CC2D1B: variants seen among roughly 807,000 people sequenced by gnomAD.
The protein encoded by CC2D1B is coiled-coil and C2 domain containing 1B.
CC2D1B carries 92 observed loss-of-function variants against 110.8 expected under a neutral mutation model. The ratio of observed to expected loss-of-function variants is 0.83; its 90% CI spans 0.70 to 0.99. The LOEUF is 0.99. Ranked by LOEUF, CC2D1B falls within the 50% of genes least tolerant of loss-of-function variation. CC2D1B has a pLI of 0.00. For missense variants in CC2D1B, 1,136 were observed against 1,089.0 expected (o/e 1.04, Z -0.61); for synonymous variants, 406 against 429.2 (o/e 0.95, Z 0.67).
In CC2D1B at chr1:52,357,114, A is replaced by T. The variant is rs746404887; in HGVS notation, c.1765T>A (p.Leu589Met). 3 of 1,613,952 alleles carry T rather than the reference A, an allele frequency of 1.9e-6. No individual in the cohort carries two copies. In the Admixed American group the frequency reaches 5.0e-5, roughly 27 times the overall value. ...PVDLSKVPSP[L>M]TDEEGDFILI... is the part of the protein sequence containing the mutation. Reference sequence around the variant, plus strand: ...ATGAAGTCACCCTCCTCATCCGTCAAGGGCGAAGGCACCTACCCAGGTCAC... The same window carrying T: ...ATGAAGTCACCCTCCTCATCCGTCATGGGCGAAGGCACCTACCCAGGTCAC... The change falls in exon 16 of 25, where the codon TTG (leucine) becomes ATG (methionine). Residue 589 changes from leucine to methionine, a missense_variant. Coordinates refer to ENST00000284376, the MANE Select transcript of CC2D1B (RefSeq NM_001330585.2).
chr1:52,357,040 C>T lies in CC2D1B; in HGVS notation c.1839G>A (p.Val613=), dbSNP rs200724768. ...DLRLSQKAEE[V]YAQLQKMLLE... is the part of the protein sequence containing the mutation. ...GAAGCATTTTTTGCAGCTGGGCATA[C>T]ACCTCCTCCGCCTTCTGGGAGAGTC... The change falls in exon 16 of 25, where the codon GTG becomes GTA. Residue 613 remains valine (V), a synonymous_variant. Transcript: ENST00000284376. 9.9e-5 allele frequency: 158 copies of T among 1,588,092 alleles called. No homozygotes were observed. The East Asian group carries it at 3.5e-3, about 36-fold the overall frequency.
chr1:52,354,531 C>T, intron 23 of CC2D1B, 77 bp downstream of exon 23: 4 of 1,198,092 alleles, frequency 3.3e-6, no homozygotes, highest in Non-Finnish European at 5.0e-6. Context: ...CGAAAACCTA[C>T]AACAAGGTGT....
chr1:52,361,704 G>T (rs2147896133), intron 3 of CC2D1B, 88 bp from the exon 4 acceptor site: 11 of 1,513,538 alleles, frequency 7.3e-6, no homozygotes, highest in South Asian at 5.7e-5. Flanking sequence ...CACCCAGGCA[G>T]AAATCCCTCT....
Position 52,360,134 on chromosome 1 carries a change from G to C in CC2D1B, c.703C>G (p.Gln235Glu). Residue 235 changes from glutamine to glutamate, a missense_variant, in exon 7 of 25, where the codon CAG (glutamine) becomes GAG (glutamate). Transcript: ENST00000284376. ...VALGKRPLAPQEPANRSPETD... is the reference protein window; with the variant it reads ...VALGKRPLAPEEPANRSPETD... ...TCAGGGCTCCTGTTGGCTGGTTCCT[G>C]GGGGGCCAGGGGCCGCTTTCCTAAG... 6.2e-7 allele frequency: 1 copy of C among 1,609,486 alleles called. No homozygotes were observed. Among genetic ancestry groups the C allele is most frequent in the African/African-American group, 1.3e-5 (1 of 74,896 alleles).
rs1646558997 is a variant in CC2D1B, at chr1:52,353,056, A to G, written c.*169T>C. On this transcript the variant is annotated 3_prime_UTR_variant, in exon 25 of 25. Transcript: ENST00000284376. ...GTTTCTGTAGAGCCCCAGAGGGGCC[A>G]ACAACAGGAAAGACCAGAGTCGTGG... The G allele has an allele frequency of 8.1e-6, 5 of 619,216 alleles. No individual in the cohort carries two copies. Among genetic ancestry groups the G allele is most frequent in the Non-Finnish European group, 1.3e-5 (5 of 384,050 alleles). 38.4% of individuals were successfully genotyped at this position (619,216 alleles called of 1,614,324 possible). A position where few individuals can be genotyped will look rare whatever the true frequency, so the allele number is the denominator to read the frequency against.
intron 1 of CC2D1B, among the ~76,000 whole-genome samples, chr1:52,365,010 CA>C (rs1259964917): frequency 6.6e-6 from 1 of 152,154 alleles, no homozygotes; most frequent in Non-Finnish European, 1.5e-5. Context: ...GCTAAAAATC[CA>C]GTCCATCAGC....
chr1:52,354,451 C>G (rs1646598443), intron 23 of CC2D1B, 157 bp downstream of exon 23: 1 of 751,496 alleles, frequency 1.3e-6, no homozygotes, highest in South Asian at 1.4e-5. Flanking sequence ...CTGAACCTCT[C>G]CATCTGTGAA....
chr1:52,357,459 GC>G (rs1219987136), intron 15 of CC2D1B, 66 bp downstream of exon 15: 2 of 1,484,076 alleles, frequency 1.3e-6, no homozygotes, highest in Admixed American at 2.0e-5. Context: ...CTTGTTCACA[GC>G]CTGTCAAGCC....
intron 21 of CC2D1B, 78 bp from the exon 22 acceptor site, chr1:52,355,017 G>T: frequency 8.3e-7 from 1 of 1,201,508 alleles, no homozygotes; most frequent in African/African-American, 1.5e-5. Context: ...GCCCAGGGCT[G>T]GCTGCCTTCC....
intron 21 of CC2D1B, 81 bp downstream of exon 21, chr1:52,355,317 T>C (rs1167033603): frequency 2.8e-6 from 4 of 1,449,428 alleles, no homozygotes; most frequent in Admixed American, 1.8e-5. Flanking sequence ...AGTAAGGGCA[T>C]AGATGGGAAC....
intron 23 of CC2D1B, 119 bp from the exon 24 acceptor site, chr1:52,353,766 G>A (rs1354180191): frequency 1.4e-6 from 1 of 697,972 alleles, no homozygotes; most frequent in Non-Finnish European, 2.4e-6. Context: ...CATGAACACA[G>A]GAATCTCCAT....
At chr1:52,360,896 T>C (rs1569861838) in intron 5 of CC2D1B, 78 bp downstream of exon 5, 2 of 1,541,024 alleles carry the variant, frequency 1.3e-6, no homozygotes, top group South Asian at 1.1e-5. Flanking sequence ...AGCCTTGCTG[T>C]GCAGGCCAGG....
chr1:52,356,244 C>T lies in CC2D1B; in HGVS notation c.1996G>A (p.Ala666Thr). ...KQLEILQLAQ[A>T]QGLDPPTHHF... ...TGGGTGGGAGGGTCGAGGCCCTGAG[C>T]CTGGGCCAGCTGCAGGATCTCCAGC... Residue 666 changes from alanine to threonine, a missense_variant, in exon 18 of 25, where the codon GCT (alanine) becomes ACT (threonine). Ala to Thr is a moderately conservative substitution (Grantham distance 58, BLOSUM62 0). Coordinates refer to ENST00000284376, the MANE Select transcript of CC2D1B (RefSeq NM_001330585.2). 6.2e-7 allele frequency: 1 copy of T among 1,614,202 alleles called. No individual in the cohort carries two copies. Among genetic ancestry groups the T allele is most frequent in the Non-Finnish European group, 8.5e-7 (1 of 1,180,032 alleles).
In CC2D1B at chr1:52,355,628, C is replaced by T; in HGVS notation, c.2167G>A (p.Glu723Lys). 1 of 1,614,188 alleles carries T rather than the reference C, an allele frequency of 6.2e-7. No individual in the cohort carries two copies. Among genetic ancestry groups the T allele is most frequent in the South Asian group, 1.1e-5 (1 of 91,080 alleles). Residue 723 changes from glutamate (E) to lysine (K), a missense_variant, in exon 20 of 25, where the codon GAG (glutamate) becomes AAG (lysine). Transcript: ENST00000284376. ...PDDLDAFVRF[E>K]FHYPNSDQAQ... ...CTCACCGAGTTAGGGTAGTGAAACT[C>T]AAACCGCACAAAAGCATCCAGGTCA...
chr1:52,364,703 G>C, intron 1 of CC2D1B, 69 bp from the exon 2 acceptor site: 1 of 1,011,580 alleles, frequency 9.9e-7, no homozygotes, highest in Non-Finnish European at 1.5e-6. Context: ...TGCTACCCGT[G>C]GTAAGGTGTG....
In CC2D1B at chr1:52,355,633, C is replaced by T. The variant is rs1184158913; in HGVS notation, c.2162G>A (p.Arg721Gln). The change falls in exon 20 of 25, where the codon CGG becomes CAG. Residue 721 changes from arginine (R) to glutamine (Q), a missense_variant. Arg to Gln is a conservative substitution (Grantham distance 43, BLOSUM62 1). Transcript: ENST00000284376. ...CGAGTTAGGGTAGTGAAACTCAAAC[C>T]GCACAAAAGCATCCAGGTCATCGGG... Reference protein sequence around the residue: ...VTPDDLDAFVRFEFHYPNSDQ... With the variant: ...VTPDDLDAFVQFEFHYPNSDQ... 7.4e-6 allele frequency: 12 copies of T among 1,614,030 alleles called. No individual in the cohort carries two copies. The highest frequency in any genetic ancestry group is 2.7e-5 in the African/African-American group (2 of 74,908).
In CC2D1B at chr1:52,360,495, G is replaced by C. The variant is rs750072896; in HGVS notation, c.532C>G (p.Arg178Gly). 1 of 1,614,062 alleles carries C rather than the reference G, an allele frequency of 6.2e-7. No individual in the cohort carries two copies. Among genetic ancestry groups the C allele is most frequent in the Non-Finnish European group, 8.5e-7 (1 of 1,180,036 alleles). The change falls in exon 6 of 25, where the codon CGA becomes GGA. Residue 178 changes from arginine (R) to glycine (G), a missense_variant. By Grantham distance (125) the Arg-to-Gly change is moderately radical (BLOSUM62 -2). Transcript: ENST00000284376. ...ALLEERIHNYREAAASAKEAG... is the reference protein window; with the variant it reads ...ALLEERIHNYGEAAASAKEAG... ...TCCTTGGCACTGGCCGCAGCCTCTCGGTAGTTGTGAATCCGTTCCTCCAGC... is the reference window on the plus strand; with the variant it reads ...TCCTTGGCACTGGCCGCAGCCTCTCCGTAGTTGTGAATCCGTTCCTCCAGC...
chr1:52,353,416 C>T, intron 24 of CC2D1B, 102 bp downstream of exon 24: 1 of 1,523,442 alleles, frequency 6.6e-7, no homozygotes, highest in Non-Finnish European at 8.8e-7. Context: ...AGGTCTTTCT[C>T]ATAGATGAGA....
rs141094500 is a variant in CC2D1B, at chr1:52,360,482, G to A, written c.545C>T (p.Ala182Val). ...TGCTTCGCCTGCCTCCTTGGCACTG[G>A]CCGCAGCCTCTCGGTAGTTGTGAAT... ...ERIHNYREAA[A>V]SAKEAGEAAK... The change falls in exon 6 of 25, where the codon GCC becomes GTC. Residue 182 changes from alanine (A) to valine (V), a missense_variant. By Grantham distance (64) the Ala-to-Val change is moderately conservative. Coordinates refer to ENST00000284376, the MANE Select transcript of CC2D1B (RefSeq NM_001330585.2). The A allele has an allele frequency of 1.9e-6, 3 of 1,613,942 alleles. No individual in the cohort carries two copies. The highest frequency in any genetic ancestry group is 1.7e-6 in the Non-Finnish European group (2 of 1,180,048).
Sources: gnomAD v4.1 joint callset for allele counts (sites outside exome capture counted in the v4.1 genomes callset) on GRCh38, gnomAD v4.1.1 for gene constraint, MANE v1.5 for transcripts, NCBI Gene and HGNC (gene_info 2026-07-23, HGNC 2026-07-21) for gene names.